MYO9B: variants seen among roughly 807,000 people sequenced by gnomAD.
MYO9B encodes myosin IXB.
A neutral mutation model predicts 229.5 loss-of-function variants in MYO9B; 71 were observed. The ratio of observed to expected loss-of-function variants is 0.31; its 90% CI spans 0.26 to 0.38. The LOEUF (loss-of-function observed/expected upper bound fraction) is 0.38. Among genes scored for constraint, MYO9B ranks in the 10% least tolerant of loss-of-function variants. The pLI is 1.00. For missense variants in MYO9B, 2,255 were observed against 2,920.5 expected (o/e 0.77, Z 5.25); for synonymous variants, 1,185 against 1,235.8 (o/e 0.96, Z 0.86).
At chr19:17,109,159 G>A (rs1202620415) in intron 2 of MYO9B, among the ~76,000 whole-genome samples, 6 of 151,326 alleles carry the variant, frequency 4.0e-5, no homozygotes, top group Non-Finnish European at 7.4e-5. Context: ...TCTGCCTCCC[G>A]GGTTCGTGCC....
intron 10 of MYO9B, among the ~76,000 whole-genome samples, chr19:17,167,389 T>A (rs1243903937): frequency 6.6e-6 from 1 of 151,894 alleles, no homozygotes; most frequent in Non-Finnish European, 1.5e-5. Flanking sequence ...CACCTTGGCC[T>A]CTCAGTTACT....
intron 6 of MYO9B, 131 bp downstream of exon 6, chr19:17,154,546 A>G (rs1194048831): frequency 1.6e-6 from 1 of 613,052 alleles, no homozygotes; most frequent in African/African-American, 1.8e-5. Flanking sequence ...CAGTGCCGCC[A>G]TAGGGAGTGT....
At chr19:17,208,781 G>A (rs1228897928) in intron 35 of MYO9B, among the ~76,000 whole-genome samples, 1 of 152,182 alleles carries the variant, frequency 6.6e-6, no homozygotes, top group African/African-American at 2.4e-5. Flanking sequence ...TGTCACGGGA[G>A]GATAAGGAAC....
chr19:17,111,661 A>C (rs1265805863), intron 2 of MYO9B, among the ~76,000 whole-genome samples: 1 of 152,118 alleles, frequency 6.6e-6, no homozygotes, highest in African/African-American at 2.4e-5. Context: ...GGCCTCAGGC[A>C]AAAGTGTGCA....
intron 1 of MYO9B, among the ~76,000 whole-genome samples, chr19:17,091,266 C>G (rs185806132): frequency 6.6e-6 from 1 of 152,326 alleles, no homozygotes; most frequent in African/African-American, 2.4e-5. Flanking sequence ...TGCTCTGTGG[C>G]CCAGGCTGGA....
chr19:17,102,322 T>G lies in MYO9B; in HGVS notation c.605T>G (p.Met202Arg), dbSNP rs1174303188. The change falls in exon 2 of 40, where the codon ATG becomes AGG. Residue 202 changes from methionine to arginine, a missense_variant. Around this residue, in one of 7 missense-constraint regions of MYO9B, gnomAD observed 386 missense variants for 515.2 expected, o/e 0.75. Coordinates refer to ENST00000682292, the MANE Select transcript of MYO9B (RefSeq NM_004145.4). ...ATCTACAACCCCAAGTACGTGAAGA[T>G]GTATGAGAACCAGCAGCTGGGCAAG... The part of the protein sequence containing the change: ...LPIYNPKYVK[M>R]YENQQLGKLE... 1 of 1,614,044 alleles carries G rather than the reference T, an allele frequency of 6.2e-7. No homozygotes were observed. The highest frequency in any genetic ancestry group is 2.2e-5 in the East Asian group (1 of 44,886).
At chr19:17,080,105 G>C (rs112737022) in intron 1 of MYO9B, among the ~76,000 whole-genome samples, 1 of 152,190 alleles carries the variant, frequency 6.6e-6, no homozygotes, top group Non-Finnish European at 1.5e-5. Flanking sequence ...CAAGGGTTCA[G>C]CCCATGGGTT....
intron 2 of MYO9B, among the ~76,000 whole-genome samples, chr19:17,129,847 A>G (rs1380738803): frequency 1.3e-5 from 2 of 151,318 alleles, no homozygotes; most frequent in African/African-American, 4.9e-5. Context: ...ATGGGTTCTA[A>G]CTCTGTTGCC....
intron 1 of MYO9B, among the ~76,000 whole-genome samples, chr19:17,089,557 G>A (rs951229623): frequency 6.6e-6 from 1 of 152,106 alleles, no homozygotes; most frequent in Non-Finnish European, 1.5e-5. Flanking sequence ...CTGTGCAGCC[G>A]GCCTTGAGAG....
chr19:17,196,752 AAGAT>A (rs2073047547), intron 22 of MYO9B, among the ~76,000 whole-genome samples: 1 of 151,564 alleles, frequency 6.6e-6, no homozygotes, highest in East Asian at 1.9e-4. Context: ...GGATGGAAGG[AAGAT>A]AGGTAGGTAG....
intron 37 of MYO9B, 107 bp downstream of exon 37, chr19:17,210,487 C>T: frequency 7.2e-7 from 1 of 1,379,392 alleles, no homozygotes; most frequent in Non-Finnish European, 9.7e-7. Flanking sequence ...CCTGTCCTAA[C>T]CTTCCGGAAG....
chr19:17,102,888 CAGAG>C, intron 2 of MYO9B, among the ~76,000 whole-genome samples: 2 of 148,550 alleles, frequency 1.3e-5, no homozygotes, highest in Middle Eastern at 6.9e-3. Flanking sequence ...GCCTGGATGA[CAGAG>C]AGAGACTCCA....
At chr19:17,095,913 C>A (rs1012135933) in intron 1 of MYO9B, 1 of 152,280 alleles carries the variant, frequency 6.6e-6, no homozygotes, top group Non-Finnish European at 1.5e-5. Flanking sequence ...CATGCGCCCC[C>A]CCACCACGCC....
chr19:17,095,078 A>G (rs1475175763), intron 1 of MYO9B, among the ~76,000 whole-genome samples: 1 of 152,214 alleles, frequency 6.6e-6, no homozygotes, highest in Non-Finnish European at 1.5e-5. Context: ...GTCTCTACCA[A>G]AAATAGAAAA....
chr19:17,169,083 C>T (rs2072691772), intron 11 of MYO9B, among the ~76,000 whole-genome samples: 1 of 152,140 alleles, frequency 6.6e-6, no homozygotes, highest in Non-Finnish European at 1.5e-5. Flanking sequence ...CAGAAAGATT[C>T]CACCTCGGCC....
At chr19:17,198,665 G>T (rs1433516377) in intron 24 of MYO9B, among the ~76,000 whole-genome samples, 1 of 150,948 alleles carries the variant, frequency 6.6e-6, no homozygotes, top group Non-Finnish European at 1.5e-5. Flanking sequence ...AACTCGGGAG[G>T]TGGAGGTTGC....
chr19:17,132,293 C>A (rs2072208255), intron 2 of MYO9B, among the ~76,000 whole-genome samples: 1 of 131,702 alleles, frequency 7.6e-6, no homozygotes, highest in Non-Finnish European at 1.5e-5. Context: ...TCAAGCAATT[C>A]TCTTGCCTCA....
chr19:17,076,107 G>A (rs1388637533), intron 1 of MYO9B, among the ~76,000 whole-genome samples: 3 of 151,244 alleles, frequency 2.0e-5, no homozygotes, highest in African/African-American at 7.3e-5. Context: ...GCGTGGGGGG[G>A]GTGAGTCTTG....
Position 17,206,150 on chromosome 19 carries a change from C to A in MYO9B, c.5255C>A (p.Thr1752Lys), listed in dbSNP as rs1432260080. 3.1e-6 allele frequency: 5 copies of A among 1,607,552 alleles called. No homozygotes were observed. The highest frequency in any genetic ancestry group is 4.2e-6 in the Non-Finnish European group (5 of 1,176,670). Residue 1752 changes from threonine (T) to lysine (K), a missense_variant and splice_region_variant, in exon 32 of 40, where the codon ACA (threonine) becomes AAA (lysine). Coordinates refer to ENST00000682292, the MANE Select transcript of MYO9B (RefSeq NM_004145.4). ...RTRELRQALQ[T>K]DPAAVKLENF... ...CGGGAGCTCCGGCAGGCGCTGCAGA[C>A]AGGTGGGCGCTGTGGGCAGGTGGGT...
Sources: gnomAD v4.1 joint callset for allele counts (sites outside exome capture counted in the v4.1 genomes callset) on GRCh38, gnomAD v4.1.1 for gene constraint, gnomAD v4.1.1 regional missense constraint, MANE v1.5 for transcripts, NCBI Gene and HGNC (gene_info 2026-07-23, HGNC 2026-07-21) for gene names.